The following FAM110B variants were observed in gnomAD, a reference collection of about 807,000 sequenced individuals.
FAM110B encodes the protein family with sequence similarity 110 member B.
Under a neutral mutation model 20.4 loss-of-function variants are expected in FAM110B, and 6 were observed. The observed-to-expected ratio is 0.29, with a 90% confidence interval of 0.16 to 0.58. The LOEUF (loss-of-function observed/expected upper bound fraction) is 0.58, where lower values mean the gene tolerates loss of function less well. Among genes scored for constraint, FAM110B ranks in the 20% least tolerant of loss-of-function variants. The pLI is 0.90. For synonymous variants in FAM110B, 226 were observed against 214.1 expected, an observed-to-expected ratio of 1.06 and a Z score of -0.49; for missense variants, 434 against 498.2, an observed-to-expected ratio of 0.87 and a Z score of 1.23.
chr8:58,018,940 C>G (rs1467210810), intron 1 of FAM110B, among the ~76,000 whole-genome samples: 1 of 152,148 alleles, frequency 6.6e-6, no homozygotes, highest in Non-Finnish European at 1.5e-5. Flanking sequence ...TTCCTTTACG[C>G]TCCTCCTGTC....
chr8:58,132,183 T>C (rs2150635007), intron 3 of FAM110B, among the ~76,000 whole-genome samples: 1 of 152,318 alleles, frequency 6.6e-6, no homozygotes, highest in African/African-American at 2.4e-5. Flanking sequence ...TTATATTTTA[T>C]GAATGCCTCT....
chr8:58,052,610 TTAC>T (rs1805469229), intron 2 of FAM110B, among the ~76,000 whole-genome samples: 1 of 151,692 alleles, frequency 6.6e-6, no homozygotes, highest in Non-Finnish European at 1.5e-5. Context: ...ATGGTAAAAA[TTAC>T]TACGGAGGAA....
intron 2 of FAM110B, among the ~76,000 whole-genome samples, chr8:58,034,588 G>C (rs1480875060): frequency 6.6e-6 from 1 of 152,156 alleles, no homozygotes; most frequent in African/African-American, 2.4e-5. Flanking sequence ...TACTTGATGT[G>C]CCAGCCTATT....
At chr8:58,130,873 A>T (rs941189165) in intron 3 of FAM110B, among the ~76,000 whole-genome samples, 1 of 152,210 alleles carries the variant, frequency 6.6e-6, no homozygotes, top group African/African-American at 2.4e-5. Context: ...AGTTGCAGCA[A>T]CCTGTCCCTA....
intron 2 of FAM110B, among the ~76,000 whole-genome samples, chr8:58,072,890 G>C (rs990331944): frequency 9.2e-5 from 14 of 152,176 alleles, no homozygotes; most frequent in African/African-American, 3.1e-4. Context: ...AAATATTTGT[G>C]AAAAGGAAAG....
chr8:58,075,774 A>G (rs1318442839), intron 3 of FAM110B, among the ~76,000 whole-genome samples, 151 bp downstream of exon 3: 3 of 152,148 alleles, frequency 2.0e-5, no homozygotes, highest in Admixed American at 1.3e-4. Flanking sequence ...TTTAAAAAAT[A>G]AAATAAAATA....
chr8:58,037,119 A>C (rs968061607), intron 2 of FAM110B, among the ~76,000 whole-genome samples: 1 of 146,524 alleles, frequency 6.8e-6, no homozygotes. Context: ...CCGTTAAGGT[A>C]CAAGTATGTT....
At chr8:58,091,105 T>C (rs1433356634) in intron 3 of FAM110B, among the ~76,000 whole-genome samples, 3 of 152,196 alleles carry the variant, frequency 2.0e-5, no homozygotes, top group Non-Finnish European at 2.9e-5. Flanking sequence ...TCTTTAGTTA[T>C]CCAAACAGTC....
intron 2 of FAM110B, among the ~76,000 whole-genome samples, chr8:58,063,753 T>C (rs1187111222): frequency 6.6e-6 from 1 of 152,248 alleles, no homozygotes; most frequent in Non-Finnish European, 1.5e-5. Flanking sequence ...GACTTTTTGA[T>C]AACTTTACAA....
chr8:58,099,654 C>T (rs1409499214), intron 3 of FAM110B, among the ~76,000 whole-genome samples: 1 of 152,140 alleles, frequency 6.6e-6, no homozygotes, highest in African/African-American at 2.4e-5. Context: ...TTTGCAGATA[C>T]TTATTGTTAT....
intron 2 of FAM110B, among the ~76,000 whole-genome samples, 167 bp downstream of exon 2, chr8:58,031,870 T>G (rs938885941): frequency 3.3e-5 from 5 of 152,102 alleles, no homozygotes; most frequent in Non-Finnish European, 7.4e-5. Context: ...TCTCCCTTCC[T>G]CCCCCTTCCT....
chr8:58,077,468 G>T (rs928174513), intron 3 of FAM110B, among the ~76,000 whole-genome samples: 19 of 152,320 alleles, frequency 1.2e-4, no homozygotes, highest in African/African-American at 4.6e-4. Context: ...AGTTGAGTTT[G>T]CAGCCCTAGT....
intron 2 of FAM110B, among the ~76,000 whole-genome samples, chr8:58,058,452 G>A (rs1805591776): frequency 1.3e-5 from 2 of 151,956 alleles, no homozygotes; most frequent in Admixed American, 6.6e-5. Flanking sequence ...TAAGAAAAAA[G>A]CTGAAGAGGC....
rs1353189821 is a variant in FAM110B at position 58,148,220 on chromosome 8, C to G, written c.*877C>G. The G allele has an allele frequency of 1.8e-5, 1 of 56,626 alleles. No homozygotes were observed. Among genetic ancestry groups the G allele is most frequent in the Admixed American group, 2.9e-4 (1 of 3,478 alleles). 3.5% of individuals were successfully genotyped at this position (56,626 alleles called of 1,614,324 possible). On this transcript the variant is annotated 3_prime_UTR_variant, in exon 4 of 4. Coordinates refer to ENST00000519262, the MANE Select transcript of FAM110B (RefSeq NM_001377989.1). ...ACTACTAATTTCATGCTATTTCTTT[C>G]TCTCTCCCTTTGTTGTTATTTGATT...
At chr8:58,112,261 G>A (rs1379348580) in intron 3 of FAM110B, among the ~76,000 whole-genome samples, 1 of 152,168 alleles carries the variant, frequency 6.6e-6, no homozygotes, top group Non-Finnish European at 1.5e-5. Context: ...CCCAGGAGGC[G>A]GAGGTTGCAG....
chr8:58,085,306 A>C (rs1014060689), intron 3 of FAM110B, among the ~76,000 whole-genome samples: 35 of 152,158 alleles, frequency 2.3e-4, no homozygotes, highest in African/African-American at 8.4e-4. Context: ...TGAGGTCAGA[A>C]GTTAAAGACT....
intron 1 of FAM110B, among the ~76,000 whole-genome samples, chr8:58,007,870 C>T (rs1804443508): frequency 1.3e-5 from 2 of 152,120 alleles, no homozygotes; most frequent in South Asian, 4.1e-4. Context: ...GCTGGGAATA[C>T]TTGTAACAAA....
intron 2 of FAM110B, among the ~76,000 whole-genome samples, chr8:58,075,271 T>TG (rs1554521060): frequency 0.02 from 2,760 of 134,728 alleles, 32 homozygotes; most frequent in Non-Finnish European, 0.03. Context: ...GCTTTTTTTT[T>TG]TTTTTGTGTG....
chr8:58,118,461 G>A (rs1039424159), intron 3 of FAM110B, among the ~76,000 whole-genome samples: 3 of 152,194 alleles, frequency 2.0e-5, no homozygotes, highest in African/African-American at 4.8e-5. Context: ...ATTTCCGGTT[G>A]GGTCTGGGTG....
Sources: gnomAD v4.1 joint callset for allele counts (sites outside exome capture counted in the v4.1 genomes callset) on GRCh38, gnomAD v4.1.1 for gene constraint, MANE v1.5 for transcripts, NCBI Gene and HGNC (gene_info 2026-07-23, HGNC 2026-07-21) for gene names.